The following ZBBX variants were observed in gnomAD, a reference collection of about 807,000 sequenced individuals.
The protein encoded by ZBBX is zinc finger B-box domain-containing protein 1.
Under a neutral mutation model 108.5 loss-of-function variants are expected in ZBBX, and 101 were observed. That is an observed-to-expected ratio of 0.93 (90% confidence interval 0.79 to 1.10). ZBBX has a LOEUF of 1.10. ZBBX is among the 50% of genes least tolerant of loss of function. The probability of loss-of-function intolerance (pLI) is 0.00; values close to 1 mark genes in which losing one functional copy is unlikely to be tolerated. For synonymous variants in ZBBX, 356 were observed against 323.4 expected (o/e 1.10, Z -1.08); for missense variants, 1,009 against 941.4 (o/e 1.07, Z -0.94).
intron 20 of ZBBX, among the ~76,000 whole-genome samples, chr3:167,277,983 C>G (rs1418324560): frequency 6.9e-6 from 1 of 145,390 alleles, no homozygotes. Flanking sequence ...ACTGAACAAC[C>G]TGCTCCTGAA....
chr3:167,179,281 C>T, the ZBBX span, among the ~76,000 whole-genome samples: 2,032 of 152,334 alleles, frequency 0.013, 22 homozygotes, highest in South Asian at 0.026. Context: ...AGGAATGCAC[C>T]ATTTGGCAAG....
intron 9 of ZBBX, among the ~76,000 whole-genome samples, chr3:167,345,259 T>C (rs992046241): frequency 2.0e-5 from 3 of 151,758 alleles, no homozygotes; most frequent in Non-Finnish European, 4.4e-5. Context: ...TCTCACAAGG[T>C]CCTAAAATTT....
At chr3:167,184,912 A>G in the ZBBX span, among the ~76,000 whole-genome samples, 6 of 152,328 alleles carry the variant, frequency 3.9e-5, no homozygotes, top group Middle Eastern at 0.014. Context: ...ATTATTGTCA[A>G]CAATACTGTT....
intron 12 of ZBBX, among the ~76,000 whole-genome samples, chr3:167,318,530 A>G (rs2108302287): frequency 6.6e-6 from 1 of 152,066 alleles, no homozygotes; most frequent in South Asian, 2.1e-4. Context: ...CCCAAAAACC[A>G]TGTTCTTAAC....
chr3:167,198,416 T>G, the ZBBX span, among the ~76,000 whole-genome samples: 2 of 152,134 alleles, frequency 1.3e-5, no homozygotes, highest in African/African-American at 4.8e-5. Context: ...GTAAAATTCT[T>G]GAAACATAGT....
At position 167,305,691 on chromosome 3, in the gene ZBBX, C is replaced by T. The variant is rs1443026025; in HGVS notation, c.1677G>A (p.Leu559=). 1.2e-6 allele frequency: 2 copies of T among 1,607,600 alleles called. No individual in the cohort carries two copies. The highest frequency in any genetic ancestry group is 2.2e-5 in the East Asian group (1 of 44,730). Residue 559 remains leucine, a synonymous_variant, in exon 17 of 22, where the codon CTG becomes CTA. Transcript: ENST00000675490. ...ATTCTTCAAAGCTTGGCCTCTTATACAGATTGCTCAATTCCAAGGATTCTT... is the reference window on the plus strand; with the variant it reads ...ATTCTTCAAAGCTTGGCCTCTTATATAGATTGCTCAATTCCAAGGATTCTT... The part of the protein sequence containing the change: ...DIKESLELSN[L]YKRPSFEESK...
At chr3:167,328,211 G>A (rs1467886650) in intron 10 of ZBBX, 95 bp from the exon 11 acceptor site, 1 of 1,230,818 alleles carries the variant, frequency 8.1e-7, no homozygotes, top group Non-Finnish European at 1.1e-6. Flanking sequence ...TTAAAATACA[G>A]GTAGAACTAA....
Position 167,258,075 on chromosome 3 carries a change from T to A in ZBBX, c.2255-15432A>T, listed in dbSNP as rs1484097671. ...GGTTCTTGGTCATGAAATGCTTGCCTAAGCCAATGTCTAGAAGGGTTTTTC... is the reference window on the plus strand; with the variant it reads ...GGTTCTTGGTCATGAAATGCTTGCCAAAGCCAATGTCTAGAAGGGTTTTTC... On this transcript the variant is annotated intron_variant, in intron 20 of 21. Coordinates refer to ENST00000675490, the MANE Select transcript of ZBBX (RefSeq NM_001199201.2). 3.3e-5 allele frequency among the ~76,000 whole-genome samples: 5 copies of A among 152,222 alleles called. No individual in the cohort carries two copies. The East Asian group carries it at 9.6e-4, about 29-fold the overall frequency.
the ZBBX span, among the ~76,000 whole-genome samples, chr3:167,233,364 CAG>C: frequency 8.9e-3 from 1,357 of 151,842 alleles, 24 homozygotes; most frequent in African/African-American, 0.031. Flanking sequence ...AAATATCTGT[CAG>C]AGTAAAGCTG....
In ZBBX at chr3:167,334,001, C is replaced by A. The variant is rs1204780752; in HGVS notation, c.529-16G>T. The A allele has an allele frequency of 2.0e-6, 3 of 1,495,100 alleles. No homozygotes were observed. The highest frequency in any genetic ancestry group is 2.7e-6 in the Non-Finnish European group (3 of 1,117,146). 92.6% of individuals were successfully genotyped at this position (1,495,100 alleles called of 1,614,324 possible). A position where few individuals can be genotyped will look rare whatever the true frequency, so the allele number is the denominator to read the frequency against. ...GAGATTTTGCCTATTAAAAAAGTAACAATATAATTAAAGCGCCTCATATGT... is the reference window on the plus strand; with the variant it reads ...GAGATTTTGCCTATTAAAAAAGTAAAAATATAATTAAAGCGCCTCATATGT... On this transcript the variant is annotated splice_polypyrimidine_tract_variant and intron_variant, in intron 9 of 21. Coordinates refer to ENST00000675490, the MANE Select transcript of ZBBX (RefSeq NM_001199201.2).
rs1393418773 is a variant in ZBBX, at chr3:167,317,105, C to T, written c.1094G>A (p.Gly365Asp). 6.3e-7 allele frequency: 1 copy of T among 1,578,754 alleles called. No homozygotes were observed. Among genetic ancestry groups the T allele is most frequent in the Non-Finnish European group, 8.7e-7 (1 of 1,153,134 alleles). The change falls in exon 14 of 22, where the codon GGT becomes GAT. Residue 365 changes from glycine (G) to aspartate (D), a missense_variant and splice_region_variant. Physicochemically the swap from Gly to Asp is moderately conservative, Grantham distance 94. Transcript: ENST00000675490. ...TGTGTGTTGTACTTTGGTCTCCTCA[C>T]CTAGGAAATAAGATTCACAAATAAT... ...SQNENDEDSD[G>D]EETKVQHTAL...
downstream of ZBBX, among the ~76,000 whole-genome samples, chr3:167,238,940 C>T (rs1413485604): frequency 3.3e-5 from 5 of 152,052 alleles, no homozygotes; most frequent in African/African-American, 1.2e-4. Flanking sequence ...AGAAATAGAA[C>T]AAATAAGATA....
chr3:167,286,365 T>C (rs1296672629), intron 19 of ZBBX, among the ~76,000 whole-genome samples: 1 of 152,136 alleles, frequency 6.6e-6, no homozygotes, highest in Non-Finnish European at 1.5e-5. Context: ...ATCCATGGAA[T>C]GCTTTAGACA....
intron 20 of ZBBX, among the ~76,000 whole-genome samples, chr3:167,251,394 C>A (rs1275313352): frequency 6.6e-6 from 1 of 152,096 alleles, no homozygotes; most frequent in African/African-American, 2.4e-5. Context: ...TAACACACAC[C>A]CACTGGGGCC....
the ZBBX span, among the ~76,000 whole-genome samples, chr3:167,230,068 C>G: frequency 3.3e-5 from 5 of 151,962 alleles, no homozygotes; most frequent in South Asian, 2.1e-4. Flanking sequence ...TCCCCACTTA[C>G]TGCTCACTAA....
intron 18 of ZBBX, among the ~76,000 whole-genome samples, chr3:167,290,685 C>T (rs2108566835): frequency 6.6e-6 from 1 of 152,176 alleles, no homozygotes; most frequent in African/African-American, 2.4e-5. Flanking sequence ...ACCAAGGGAA[C>T]AAAACTGGAC....
At chr3:167,342,965 G>C (rs1312077204) in intron 9 of ZBBX, among the ~76,000 whole-genome samples, 2 of 151,706 alleles carry the variant, frequency 1.3e-5, no homozygotes, top group African/African-American at 4.8e-5. Flanking sequence ...CCTCAATAGA[G>C]CTGTAATAAA....
rs377242994 is a variant in ZBBX, at chr3:167,378,118, A to C, written c.-132+1520T>G. On this transcript the variant is annotated intron_variant, in intron 2 of 21. Coordinates refer to ENST00000675490, the MANE Select transcript of ZBBX (RefSeq NM_001199201.2). ...CCTCCCCAGCCCTGCAGAACTGTGA[A>C]TCAAACCTCTTTCCTTTGTAAATAA... Among the ~76,000 whole-genome samples the C allele has an allele frequency of 2.8e-4, 43 of 152,278 alleles. No homozygotes were observed. The East Asian group carries it at 5.2e-3, about 18-fold the overall frequency.
the ZBBX span, among the ~76,000 whole-genome samples, chr3:167,207,910 A>G: frequency 6.6e-6 from 1 of 152,212 alleles, no homozygotes; most frequent in Non-Finnish European, 1.5e-5. Flanking sequence ...AAAGAGGGAC[A>G]GAAGTGGGTA....
Sources: allele counts gnomAD v4.1 joint callset (sites outside exome capture counted in the v4.1 genomes callset), GRCh38; gene constraint gnomAD v4.1.1; transcripts MANE v1.5; gene names NCBI Gene and HGNC (gene_info 2026-07-23, HGNC 2026-07-21).